The following ANKS1B variants were observed in gnomAD, a reference collection of about 807,000 sequenced individuals.
ANKS1B encodes the protein ankyrin repeat and sterile alpha motif domain containing 1B, also known as ankyrin repeat and sterile alpha motif domain-containing protein 1B.
A neutral mutation model predicts 148.3 loss-of-function variants in ANKS1B; 36 were observed. That is an observed-to-expected ratio of 0.24 (90% confidence interval 0.19 to 0.32). The LOEUF is 0.32. Among genes scored for constraint, ANKS1B ranks in the 10% least tolerant of loss-of-function variants. The pLI, the probability that ANKS1B is intolerant of heterozygous loss-of-function variation, is 1.00. For synonymous variants in ANKS1B, 542 were observed against 560.8 expected (o/e 0.97, Z 0.47); for missense variants, 1,157 against 1,542.6 (o/e 0.75, Z 4.19).
intron 4 of ANKS1B, among the ~76,000 whole-genome samples, chr12:99,802,283 G>A (rs1017892878): frequency 6.6e-6 from 1 of 152,110 alleles, no homozygotes; most frequent in Admixed American, 6.6e-5. Context: ...TCTTATGAGA[G>A]AAACTTATAA....
intron 16 of ANKS1B, among the ~76,000 whole-genome samples, chr12:99,084,474 G>A (rs542231897): frequency 4.6e-5 from 7 of 152,272 alleles, no homozygotes; most frequent in Admixed American, 1.3e-4. Context: ...CTGGAAGGCC[G>A]AGGTGGGTGG....
chr12:99,922,397 A>G (rs2094380706), intron 1 of ANKS1B, among the ~76,000 whole-genome samples: 1 of 152,176 alleles, frequency 6.6e-6, no homozygotes, highest in African/African-American at 2.4e-5. Context: ...GTTTTATAGC[A>G]CTAAACACTT....
At chr12:98,837,041 A>G (rs960510202) in intron 17 of ANKS1B, among the ~76,000 whole-genome samples, 6 of 152,168 alleles carry the variant, frequency 3.9e-5, no homozygotes, top group Non-Finnish European at 5.9e-5. Context: ...TAGATAAGAA[A>G]TAAAAGTTGG....
chr12:99,310,258 A>T (rs959790181), intron 12 of ANKS1B, among the ~76,000 whole-genome samples: 15 of 152,168 alleles, frequency 9.9e-5, no homozygotes, highest in African/African-American at 3.1e-4. Context: ...CACATAACTG[A>T]AATATTAGAA....
At chr12:98,735,821 C>G (rs2097769990) in intron 9 of ANKS1B, among the ~76,000 whole-genome samples, 1 of 152,020 alleles carries the variant, frequency 6.6e-6, no homozygotes, top group Non-Finnish European at 1.5e-5. Flanking sequence ...TAAGTAAAAT[C>G]TATAGTGAAT....
chr12:99,434,967 T>C (rs2095435806), intron 11 of ANKS1B, among the ~76,000 whole-genome samples: 1 of 152,126 alleles, frequency 6.6e-6, no homozygotes, highest in African/African-American at 2.4e-5. Context: ...ATTTCATGTT[T>C]AGGAAAAAAG....
At position 99,470,104 on chromosome 12, in the gene ANKS1B, G is replaced by A. The variant is rs546501577; in HGVS notation, c.1439-26295C>T. Among the ~76,000 whole-genome samples, 56 of 150,452 alleles carry A rather than the reference G, an allele frequency of 3.7e-4. No homozygotes were observed. The Middle Eastern group carries it at 0.01, about 28-fold the overall frequency. On this transcript the variant is annotated intron_variant, in intron 10 of 26. Coordinates refer to ENST00000683438, the MANE Select transcript of ANKS1B (RefSeq NM_001352186.2). ...ACTGCACTCCAGCCTAGGTAACAGA[G>A]ACTCTGTCTCTAATAATAATAATAA... is the stretch of plus-strand genomic sequence containing the variant.
intron 17 of ANKS1B, among the ~76,000 whole-genome samples, chr12:98,855,077 T>G (rs1026596651): frequency 4.0e-5 from 6 of 149,864 alleles, no homozygotes; most frequent in Non-Finnish European, 8.8e-5. Context: ...GAGAATGGCG[T>G]GAACCCGGGA....
intron 10 of ANKS1B, among the ~76,000 whole-genome samples, chr12:99,472,853 G>C (rs1228403202): frequency 1.3e-5 from 2 of 151,998 alleles, no homozygotes; most frequent in African/African-American, 4.8e-5. Context: ...TGCATGAAAA[G>C]AAAGTCCTTG....
rs1261030830 is a variant in ANKS1B at position 99,948,332 on chromosome 12, C to CA, written c.134+35771dup. ...AAAAAGTATGCCATCCTGGCCATAG[C>CA]AAAAAAAAAGAAGGATGCCTTTTAT... On this transcript the variant is annotated intron_variant, in intron 1 of 26. Transcript: ENST00000683438. 3.2e-4 allele frequency among the ~76,000 whole-genome samples: 34 copies of CA among 107,762 alleles called. 1 individual carries two copies. Among genetic ancestry groups the CA allele is most frequent in the Admixed American group, 1.4e-3 (14 of 10,284 alleles). 70.7% of individuals were successfully genotyped at this position (107,762 alleles called of 152,430 possible).
At chr12:99,001,680 T>A (rs550127598) in intron 17 of ANKS1B, among the ~76,000 whole-genome samples, 1 of 152,350 alleles carries the variant, frequency 6.6e-6, no homozygotes, top group South Asian at 2.1e-4. Flanking sequence ...ATATCTACTT[T>A]CTGAGCAAAT....
At chr12:99,513,883 G>A (rs2096790588) in intron 9 of ANKS1B, among the ~76,000 whole-genome samples, 3 of 151,900 alleles carry the variant, frequency 2.0e-5, no homozygotes, top group Non-Finnish European at 4.4e-5. Context: ...GAGTAAGTAA[G>A]GTCAAAGCAA....
chr12:99,154,213 G>A (rs2075653605), intron 15 of ANKS1B, 76 bp downstream of exon 15: 1 of 1,560,536 alleles, frequency 6.4e-7, no homozygotes, highest in African/African-American at 1.4e-5. Flanking sequence ...AAATCAGGCT[G>A]CCTCTGAGCC....
intron 9 of ANKS1B, among the ~76,000 whole-genome samples, chr12:99,538,804 C>T (rs868316423): frequency 6.6e-6 from 1 of 152,114 alleles, no homozygotes; most frequent in African/African-American, 2.4e-5. Flanking sequence ...AGTGGGCATC[C>T]TTGTCATGTT....
At chr12:99,280,324 C>G (rs1037021485) in intron 12 of ANKS1B, among the ~76,000 whole-genome samples, 1 of 152,150 alleles carries the variant, frequency 6.6e-6, no homozygotes, top group Non-Finnish European at 1.5e-5. Flanking sequence ...CCAGTGCTCA[C>G]CATAAATGTC....
chr12:99,632,860 G>A (rs1375737927), intron 9 of ANKS1B, among the ~76,000 whole-genome samples: 1 of 146,186 alleles, frequency 6.8e-6, no homozygotes, highest in Non-Finnish European at 1.5e-5. Flanking sequence ...CCTGCACCCA[G>A]TAACTCGTCA....
intron 10 of ANKS1B, among the ~76,000 whole-genome samples, chr12:99,493,763 G>T (rs2096576839): frequency 6.6e-6 from 1 of 152,142 alleles, no homozygotes; most frequent in Non-Finnish European, 1.5e-5. Context: ...ATATGCTAAG[G>T]TTGAGGTGCC....
chr12:99,125,427 C>A (rs1422060291), intron 15 of ANKS1B, among the ~76,000 whole-genome samples: 1 of 151,980 alleles, frequency 6.6e-6, no homozygotes, highest in East Asian at 1.9e-4. Flanking sequence ...AGAAATGTAC[C>A]CAGGGCTCTT....
intron 8 of ANKS1B, among the ~76,000 whole-genome samples, chr12:99,704,103 A>G (rs2055326994): frequency 6.6e-6 from 1 of 152,156 alleles, no homozygotes; most frequent in Non-Finnish European, 1.5e-5. Flanking sequence ...CCTAAATAGA[A>G]GTTAAATGAT....
Sources: allele counts gnomAD v4.1 joint callset (sites outside exome capture counted in the v4.1 genomes callset), GRCh38; gene constraint gnomAD v4.1.1; transcripts MANE v1.5; gene names NCBI Gene and HGNC (gene_info 2026-07-23, HGNC 2026-07-21).